SAMMSON: variants seen among roughly 807,000 people sequenced by gnomAD.
SAMMSON encodes long intergenic non-protein coding RNA 1212.
At chr3:70,020,709 ATAAT>A (rs1576098826) in intron 3 of SAMMSON, among the ~76,000 whole-genome samples, 2 of 152,222 alleles carry the variant, frequency 1.3e-5, no homozygotes, top group East Asian at 3.9e-4. Context: ...AGTAACAATA[ATAAT>A]TAATAATAAT....
At chr3:70,195,302 A>T (rs1701165261) in intron 4 of SAMMSON, among the ~76,000 whole-genome samples, 1 of 152,156 alleles carries the variant, frequency 6.6e-6, no homozygotes, top group South Asian at 2.1e-4. Context: ...AGACTTTTTC[A>T]TGGAAGGTGT....
At chr3:70,356,932 A>G (rs1427244684) in intron 8 of SAMMSON, among the ~76,000 whole-genome samples, 1 of 152,116 alleles carries the variant, frequency 6.6e-6, no homozygotes, top group African/African-American at 2.4e-5. Flanking sequence ...CTTCATAATA[A>G]CTGAGAAGGC....
chr3:70,392,753 G>A (rs866275773), downstream of SAMMSON, among the ~76,000 whole-genome samples: 2 of 152,038 alleles, frequency 1.3e-5, no homozygotes, highest in African/African-American at 2.4e-5. Context: ...GACCCGCCAG[G>A]GTTGTTGAAG....
At chr3:70,378,440 A>G (rs1703038829) in intron 9 of SAMMSON, among the ~76,000 whole-genome samples, 1 of 152,126 alleles carries the variant, frequency 6.6e-6, no homozygotes, top group African/African-American at 2.4e-5. Context: ...ACACTTATCA[A>G]TTATAGGAAG....
chr3:70,047,331 CTCTT>C (rs2067130723), intron 3 of SAMMSON, among the ~76,000 whole-genome samples: 1 of 148,902 alleles, frequency 6.7e-6, no homozygotes, highest in Non-Finnish European at 1.5e-5. Context: ...CTCTCTCTCT[CTCTT>C]TTTTTTTTTT....
chr3:70,097,330 C>A (rs2067326512), intron 4 of SAMMSON, among the ~76,000 whole-genome samples: 1 of 152,210 alleles, frequency 6.6e-6, no homozygotes, highest in African/African-American at 2.4e-5. Flanking sequence ...TCTTTGAAAG[C>A]AGGACAGTCT....
intron 2 of SAMMSON, among the ~76,000 whole-genome samples, chr3:70,404,988 G>T (rs1301885356): frequency 6.6e-6 from 1 of 152,134 alleles, no homozygotes; most frequent in Non-Finnish European, 1.5e-5. Context: ...CATGAGGCCA[G>T]CAAAACCAAA....
chr3:70,044,682 A>G (rs1252183832), intron 3 of SAMMSON, among the ~76,000 whole-genome samples: 8 of 151,914 alleles, frequency 5.3e-5, no homozygotes, highest in Admixed American at 5.3e-4. Flanking sequence ...TAACACACAC[A>G]TGCACAAATA....
chr3:70,189,096 T>C (rs1404068336), intron 4 of SAMMSON, among the ~76,000 whole-genome samples: 1 of 152,178 alleles, frequency 6.6e-6, no homozygotes, highest in East Asian at 1.9e-4. Context: ...ATAATCCTTC[T>C]AAGATGGTTT....
chr3:70,197,867 TC>T (rs138724233), intron 4 of SAMMSON, among the ~76,000 whole-genome samples: 2,158 of 152,254 alleles, frequency 0.014, 59 homozygotes, highest in African/African-American at 0.049. Context: ...ATCTTATCAA[TC>T]CTCTTTAAGA....
At chr3:70,331,138 T>C (rs759845114) in intron 7 of SAMMSON, among the ~76,000 whole-genome samples, 1 of 152,244 alleles carries the variant, frequency 6.6e-6, no homozygotes, top group African/African-American at 2.4e-5. Flanking sequence ...CTAAAGATTA[T>C]TTAAGTGTGC....
At chr3:70,301,170 A>G (rs528863517) in intron 7 of SAMMSON, among the ~76,000 whole-genome samples, 23 of 152,212 alleles carry the variant, frequency 1.5e-4, no homozygotes, top group African/African-American at 4.8e-4. Flanking sequence ...ATTTAAGTTA[A>G]TATTTTAAAA....
At chr3:70,288,502 G>T (rs1702191400) in intron 6 of SAMMSON, among the ~76,000 whole-genome samples, 1 of 150,706 alleles carries the variant, frequency 6.6e-6, no homozygotes, top group African/African-American at 2.5e-5. Context: ...TTTGGAATAG[G>T]TGTGGTGTGG....
intron 4 of SAMMSON, among the ~76,000 whole-genome samples, chr3:70,190,243 C>T (rs1038750847): frequency 6.6e-6 from 1 of 152,188 alleles, no homozygotes; most frequent in African/African-American, 2.4e-5. Flanking sequence ...TCTCTTCCCT[C>T]CTGTTTCCCT....
intron 3 of SAMMSON, among the ~76,000 whole-genome samples, chr3:70,049,247 T>C (rs1428496302): frequency 2.0e-5 from 3 of 152,126 alleles, no homozygotes; most frequent in Non-Finnish European, 4.4e-5. Flanking sequence ...AATAGAGGTC[T>C]GTGCATATGA....
chr3:70,061,573 G>A (rs1171214869), intron 3 of SAMMSON, among the ~76,000 whole-genome samples: 3 of 152,062 alleles, frequency 2.0e-5, no homozygotes, highest in Admixed American at 6.6e-5. Flanking sequence ...TTTCCACAGG[G>A]CATGATGTCT....
chr3:70,006,007 A>G (rs1489697315), intron 1 of SAMMSON, among the ~76,000 whole-genome samples: 1 of 152,178 alleles, frequency 6.6e-6, no homozygotes, highest in Non-Finnish European at 1.5e-5. Flanking sequence ...GTATTAGCCA[A>G]TAAAAGAATT....
chr3:69,999,809 G>A (rs2066898401), upstream of SAMMSON: 1 of 152,394 alleles, frequency 6.6e-6, no homozygotes, highest in Non-Finnish European at 1.5e-5. Flanking sequence ...GTCATGGAGA[G>A]CCCGCTGGGG....
intron 4 of SAMMSON, among the ~76,000 whole-genome samples, chr3:70,186,900 C>T (rs1311628769): frequency 6.6e-6 from 1 of 152,206 alleles, no homozygotes; most frequent in Non-Finnish European, 1.5e-5. Flanking sequence ...GCCTTTAAGT[C>T]ATAAACGTAG....
Sources: gnomAD v4.1 joint callset for allele counts (sites outside exome capture counted in the v4.1 genomes callset) on GRCh38, gnomAD v4.1.1 for gene constraint, MANE v1.5 for transcripts, NCBI Gene and HGNC (gene_info 2026-07-23, HGNC 2026-07-21) for gene names.